The following MRPS5 variants were observed in gnomAD, a reference collection of about 807,000 sequenced individuals.
MRPS5 encodes the protein mitochondrial ribosomal protein S5.
A neutral mutation model predicts 51.9 loss-of-function variants in MRPS5; 27 were observed. The observed-to-expected ratio is 0.52, with a 90% CI of 0.38 to 0.72. MRPS5 has a LOEUF of 0.72. Ranked by LOEUF, MRPS5 falls within the 30% of genes least tolerant of loss-of-function variation. MRPS5 has a pLI of 0.00. For synonymous variants in MRPS5, 196 were observed against 193.2 expected, an observed-to-expected ratio of 1.01 and a Z score of -0.12; for missense variants, 570 against 545.7, an observed-to-expected ratio of 1.04 and a Z score of -0.44.
At chr2:95,107,890 C>T (rs1449946735) in intron 5 of MRPS5, among the ~76,000 whole-genome samples, 1 of 152,106 alleles carries the variant, frequency 6.6e-6, no homozygotes, top group Non-Finnish European at 1.5e-5. Context: ...ACAGTGTATC[C>T]TATAGGCAGC....
intron 10 of MRPS5, among the ~76,000 whole-genome samples, chr2:95,099,211 C>T (rs1232608883): frequency 6.6e-6 from 1 of 150,800 alleles, no homozygotes; most frequent in African/African-American, 2.4e-5. Context: ...AGCCACCGTG[C>T]CCGGCCAAAA....
At chr2:95,094,492 G>A (rs558470276) in intron 10 of MRPS5, among the ~76,000 whole-genome samples, 58 of 152,290 alleles carry the variant, frequency 3.8e-4, no homozygotes, top group Admixed American at 2.1e-3. Flanking sequence ...GAGAAAGGTC[G>A]GGTTATCCAC....
intron 4 of MRPS5, among the ~76,000 whole-genome samples, chr2:95,108,850 TA>T (rs1676032000): frequency 6.6e-6 from 1 of 152,204 alleles, no homozygotes; most frequent in African/African-American, 2.4e-5. Context: ...AGACAGCATG[TA>T]CCATGTGATA....
intron 10 of MRPS5, among the ~76,000 whole-genome samples, chr2:95,094,756 G>A (rs1675571880): frequency 6.6e-6 from 1 of 152,188 alleles, no homozygotes; most frequent in Non-Finnish European, 1.5e-5. Context: ...GGAACAACCG[G>A]TACCAGCCAC....
At chr2:95,101,785 A>G (rs1355675450) in intron 7 of MRPS5, 62 bp from the exon 8 acceptor site, 2 of 1,178,048 alleles carry the variant, frequency 1.7e-6, no homozygotes. Flanking sequence ...GGTTTTTGCC[A>G]CATTTCAAGT....
chr2:95,121,950 G>A (rs888417370), upstream of MRPS5: 7 of 816,690 alleles, frequency 8.6e-6, no homozygotes, highest in Non-Finnish European at 1.2e-5. Context: ...CTGTCCGGAC[G>A]GGCCACACTG....
In MRPS5 at chr2:95,087,331, G is replaced by C; in HGVS notation, c.*26C>G. The C allele has an allele frequency of 6.3e-7, 1 of 1,582,140 alleles. No homozygotes were observed. The highest frequency in any genetic ancestry group is 8.7e-7 in the Non-Finnish European group (1 of 1,151,206). On this transcript the variant is annotated 3_prime_UTR_variant, in exon 12 of 12. Transcript: ENST00000272418. ...CTCTCCTAGGTGCAGGGCAGCACAGGAACTGGCTGCACAAGGCCAGAGAGG... is the reference window on the plus strand; with the variant it reads ...CTCTCCTAGGTGCAGGGCAGCACAGCAACTGGCTGCACAAGGCCAGAGAGG...
intron 5 of MRPS5, 160 bp from the exon 6 acceptor site, chr2:95,106,617 TA>T (rs1675958520): frequency 1.5e-6 from 1 of 649,140 alleles, no homozygotes; most frequent in African/African-American, 1.8e-5. Flanking sequence ...CCCTCATCAC[TA>T]GAGACTGCTC....
chr2:95,111,804 T>C (rs1030560248), intron 3 of MRPS5, among the ~76,000 whole-genome samples: 2 of 152,222 alleles, frequency 1.3e-5, no homozygotes, highest in African/African-American at 4.8e-5. Context: ...GTATCCTGTT[T>C]TTTTTAAATT....
At chr2:95,106,191 C>T (rs1675942649) in intron 6 of MRPS5, among the ~76,000 whole-genome samples, 2 of 152,182 alleles carry the variant, frequency 1.3e-5, no homozygotes, top group Admixed American at 6.5e-5. Flanking sequence ...ACAATACCAC[C>T]TTATGAGACC....
chr2:95,101,789 T>A (rs1675811917), intron 7 of MRPS5, 66 bp from the exon 8 acceptor site: 7 of 1,073,052 alleles, frequency 6.5e-6, no homozygotes, highest in Non-Finnish European at 9.6e-6. Flanking sequence ...TTTGCCACAT[T>A]TCAAGTTTCT....
chr2:95,087,489 G>C lies in MRPS5; in HGVS notation c.1161C>G (p.Pro387=), dbSNP rs201344145. The change falls in exon 12 of 12, where the codon CCC becomes CCG. Residue 387 remains proline, a synonymous_variant. Transcript: ENST00000272418. ...CTGGATCCTTCCTCAAGGGCCCCCG[G>C]GGGGACGCAACCACAATGGGCAGAG... ...CGPLPIVVAS[P]RGPLRKDPEP... 8.7e-6 allele frequency: 14 copies of C among 1,614,158 alleles called. No individual in the cohort carries two copies. The Admixed American group carries it at 1.2e-4, about 13-fold the overall frequency.
chr2:95,107,762 T>C (rs935580510), intron 5 of MRPS5, among the ~76,000 whole-genome samples: 28 of 152,306 alleles, frequency 1.8e-4, no homozygotes, highest in African/African-American at 6.5e-4. Context: ...TTTTGCTTCA[T>C]TTGTGTTTTT....
At chr2:95,107,849 A>G (rs149995231) in intron 5 of MRPS5, among the ~76,000 whole-genome samples, 13 of 152,270 alleles carry the variant, frequency 8.5e-5, no homozygotes, top group African/African-American at 3.1e-4. Context: ...GCTGCTCCAC[A>G]GGTGTCCCTG....
chr2:95,090,275 TCAGGTGGCCCCAGGAAAGCATCTC>T (rs1675423544), intron 11 of MRPS5, 87 bp downstream of exon 11: 8 of 984,744 alleles, frequency 8.1e-6, no homozygotes, highest in Non-Finnish European at 1.2e-5. Flanking sequence ...GCCCAACTCC[TCAGGTGGCCCCAGGAAAGCATCTC>T]CAGGAGGCCC....
At chr2:95,096,554 A>C (rs1266419564) in intron 10 of MRPS5, among the ~76,000 whole-genome samples, 1 of 152,128 alleles carries the variant, frequency 6.6e-6, no homozygotes, top group Non-Finnish European at 1.5e-5. Flanking sequence ...CAATAAACAT[A>C]CTCCATCACA....
intron 3 of MRPS5, 68 bp downstream of exon 3, chr2:95,114,998 A>G: frequency 7.3e-7 from 1 of 1,378,584 alleles, no homozygotes; most frequent in Non-Finnish European, 9.6e-7. Flanking sequence ...AAAAAAGAAG[A>G]AAAATTCAGA....
chr2:95,112,780 G>T (rs1201641390), intron 3 of MRPS5, among the ~76,000 whole-genome samples: 2 of 152,056 alleles, frequency 1.3e-5, no homozygotes, highest in Non-Finnish European at 2.9e-5. Context: ...TGAGACAGGC[G>T]GATCACGAGG....
intron 7 of MRPS5, 145 bp from the exon 8 acceptor site, chr2:95,101,868 A>T: frequency 1.6e-6 from 1 of 611,058 alleles, no homozygotes; most frequent in Non-Finnish European, 2.9e-6. Flanking sequence ...CAAAACCATT[A>T]ATAGGCTGGG....
Sources: gnomAD v4.1 joint callset for allele counts (sites outside exome capture counted in the v4.1 genomes callset) on GRCh38, gnomAD v4.1.1 for gene constraint, MANE v1.5 for transcripts, NCBI Gene and HGNC (gene_info 2026-07-23, HGNC 2026-07-21) for gene names.